The following MAGI2 variants were observed in gnomAD, a reference collection of about 807,000 sequenced individuals.
MAGI2 encodes membrane associated guanylate kinase, WW and PDZ domain containing 2, also known as membrane-associated guanylate kinase, WW and PDZ domain-containing protein 2.
MAGI2 carries 35 observed loss-of-function variants against 133.3 expected under a neutral mutation model. That is an observed-to-expected ratio of 0.26 (90% confidence interval 0.20 to 0.35). The LOEUF (loss-of-function observed/expected upper bound fraction) is 0.35, where lower values mean the gene tolerates loss of function less well. Ranked by LOEUF, MAGI2 falls within the 10% of genes least tolerant of loss-of-function variation. The probability of loss-of-function intolerance (pLI) is 1.00; values close to 1 mark genes in which losing one functional copy is unlikely to be tolerated. For synonymous variants in MAGI2, 729 were observed against 710.6 expected, an observed-to-expected ratio of 1.03 and a Z score of -0.41; for missense variants, 1,636 against 1,863.4, an observed-to-expected ratio of 0.88 and a Z score of 2.25.
rs1335995745 is a variant in MAGI2, at chr7:78,893,193, C to G, written c.418+113897G>C. Among the ~76,000 whole-genome samples the G allele has an allele frequency of 4.9e-4, 74 of 152,046 alleles. 1 individual carries two copies. In the East Asian group the frequency reaches 0.013, roughly 27 times the overall value. On this transcript the variant is annotated intron_variant, in intron 2 of 21. Transcript: ENST00000354212. ...AACCACAAGGAGATACCATCTCACA[C>G]CAGTTAGAATGGCAATCATTAAAAA...
chr7:78,505,497 A>G (rs1238255362), intron 4 of MAGI2, among the ~76,000 whole-genome samples: 1 of 152,230 alleles, frequency 6.6e-6, no homozygotes, highest in Non-Finnish European at 1.5e-5. Flanking sequence ...GCATATTTCA[A>G]CATGTAATTA....
intron 3 of MAGI2, among the ~76,000 whole-genome samples, chr7:78,587,890 T>C (rs1399909261): frequency 6.6e-6 from 1 of 152,198 alleles, no homozygotes; most frequent in East Asian, 1.9e-4. Flanking sequence ...ATTCATTACA[T>C]TGGTTACAGA....
intron 1 of MAGI2, among the ~76,000 whole-genome samples, chr7:79,440,301 T>C (rs1421662852): frequency 3.9e-5 from 6 of 152,146 alleles, no homozygotes; most frequent in Non-Finnish European, 7.4e-5. Context: ...GCAAAGGCAT[T>C]TGTAAAAACT....
chr7:78,369,785 T>A (rs1161868481), intron 6 of MAGI2, among the ~76,000 whole-genome samples: 1 of 152,024 alleles, frequency 6.6e-6, no homozygotes, highest in African/African-American at 2.4e-5. Flanking sequence ...GTGAACATGC[T>A]TTCCTTGATA....
chr7:79,354,611 G>T (rs1841897795), intron 1 of MAGI2, among the ~76,000 whole-genome samples: 1 of 152,128 alleles, frequency 6.6e-6, no homozygotes. Context: ...GGAAGTGTGA[G>T]TACCTACCTC....
chr7:79,417,042 A>T (rs1016054816), intron 1 of MAGI2, among the ~76,000 whole-genome samples: 27 of 151,852 alleles, frequency 1.8e-4, no homozygotes, highest in Non-Finnish European at 2.9e-4. Flanking sequence ...TGTTCTTTCT[A>T]CTTGTGCATG....
At chr7:78,578,817 T>C (rs543536881) in intron 3 of MAGI2, among the ~76,000 whole-genome samples, 1 of 152,344 alleles carries the variant, frequency 6.6e-6, no homozygotes, top group African/African-American at 2.4e-5. Flanking sequence ...GCATTATCCC[T>C]CGGGGTTGAC....
At chr7:78,848,048 C>T (rs1048268739) in intron 2 of MAGI2, among the ~76,000 whole-genome samples, 5 of 151,902 alleles carry the variant, frequency 3.3e-5, no homozygotes, top group East Asian at 1.9e-4. Flanking sequence ...TCCAATGTCA[C>T]GGCTTTAAAT....
chr7:79,182,695 A>G (rs530922057), intron 1 of MAGI2, among the ~76,000 whole-genome samples: 2 of 152,146 alleles, frequency 1.3e-5, no homozygotes, highest in Non-Finnish European at 2.9e-5. Context: ...ACGTCCAAAG[A>G]AAAAGAAACT....
At chr7:78,489,030 T>C (rs781655145) in intron 6 of MAGI2, among the ~76,000 whole-genome samples, 45 of 152,204 alleles carry the variant, frequency 3.0e-4, no homozygotes, top group Non-Finnish European at 4.4e-4. Context: ...TCAGAGAGTA[T>C]GCTATTGATC....
intron 5 of MAGI2, among the ~76,000 whole-genome samples, chr7:78,494,253 G>T (rs1793891674): frequency 6.6e-6 from 1 of 152,002 alleles, no homozygotes; most frequent in African/African-American, 2.4e-5. Flanking sequence ...CACCGTGCCT[G>T]GCCCTGAATC....
At chr7:78,831,407 T>C (rs1791136892) in intron 2 of MAGI2, among the ~76,000 whole-genome samples, 2 of 143,364 alleles carry the variant, frequency 1.4e-5, no homozygotes, top group Non-Finnish European at 3.1e-5. Flanking sequence ...TAAAATTATC[T>C]TTTTTTTTTT....
chr7:78,661,738 T>C (rs887764976), intron 2 of MAGI2, among the ~76,000 whole-genome samples: 1 of 152,216 alleles, frequency 6.6e-6, no homozygotes, highest in Non-Finnish European at 1.5e-5. Flanking sequence ...TTTGTAGCCT[T>C]CTGCTTAAAA....
At chr7:78,405,413 T>C (rs1187642275) in intron 6 of MAGI2, among the ~76,000 whole-genome samples, 1 of 152,090 alleles carries the variant, frequency 6.6e-6, no homozygotes, top group Non-Finnish European at 1.5e-5. Context: ...CTCTATGAAA[T>C]TAAGTAAGCT....
chr7:79,145,914 G>A (rs560401815), intron 1 of MAGI2, among the ~76,000 whole-genome samples: 18 of 152,330 alleles, frequency 1.2e-4, no homozygotes, highest in South Asian at 6.2e-4. Flanking sequence ...CACAGAAGGC[G>A]TTTCTTCTTG....
At chr7:78,248,730 T>C (rs569148488) in intron 10 of MAGI2, among the ~76,000 whole-genome samples, 3 of 152,208 alleles carry the variant, frequency 2.0e-5, no homozygotes, top group Non-Finnish European at 4.4e-5. Flanking sequence ...TCAAAATGCA[T>C]TAAAAACTTA....
intron 6 of MAGI2, among the ~76,000 whole-genome samples, chr7:78,414,524 G>A (rs962708073): frequency 6.6e-6 from 1 of 151,730 alleles, no homozygotes; most frequent in South Asian, 2.1e-4. Flanking sequence ...TTATTAGTAG[G>A]ACAAAATTCA....
At chr7:79,273,178 G>A (rs1044521174) in intron 1 of MAGI2, among the ~76,000 whole-genome samples, 5 of 151,952 alleles carry the variant, frequency 3.3e-5, no homozygotes, top group African/African-American at 1.2e-4. Context: ...CTTACGTAGG[G>A]ATGCCTTTTT....
intron 10 of MAGI2, among the ~76,000 whole-genome samples, chr7:78,239,922 A>T (rs1418669547): frequency 1.3e-5 from 2 of 152,266 alleles, no homozygotes; most frequent in Admixed American, 6.5e-5. Flanking sequence ...GAAGGAAATG[A>T]AACAAATATG....
Sources: allele counts gnomAD v4.1 joint callset (sites outside exome capture counted in the v4.1 genomes callset), GRCh38; gene constraint gnomAD v4.1.1; transcripts MANE v1.5; gene names NCBI Gene and HGNC (gene_info 2026-07-23, HGNC 2026-07-21).